The following DOCK4 variants were observed in gnomAD, a reference collection of about 807,000 sequenced individuals.
The protein encoded by DOCK4 is dedicator of cytokinesis protein 4.
Under a neutral mutation model 268.1 loss-of-function variants are expected in DOCK4, and 97 were observed. The ratio of observed to expected loss-of-function variants is 0.36; its 90% CI spans 0.31 to 0.43. The LOEUF is 0.43. DOCK4 is among the 20% of genes least tolerant of loss of function. The probability of loss-of-function intolerance (pLI) is 1.00; values close to 1 mark genes in which losing one functional copy is unlikely to be tolerated. For missense variants in DOCK4, 2,145 were observed against 2,455.7 expected (o/e 0.87, Z 2.67); for synonymous variants, 954 against 887.2 (o/e 1.08, Z -1.34).
intron 1 of DOCK4, among the ~76,000 whole-genome samples, chr7:112,139,364 A>G (rs1001778716): frequency 3.3e-5 from 5 of 152,218 alleles, no homozygotes; most frequent in African/African-American, 1.2e-4. Context: ...TATTTAATAC[A>G]AGGAAAAATG....
intron 23 of DOCK4, among the ~76,000 whole-genome samples, chr7:111,856,131 G>GAA (rs1804991242): frequency 1.3e-5 from 2 of 152,272 alleles, no homozygotes; most frequent in Non-Finnish European, 2.9e-5. Context: ...CCATCCCTCT[G>GAA]AAAATCTGTG....
At chr7:111,851,166 C>T (rs781433860) in intron 23 of DOCK4, among the ~76,000 whole-genome samples, 13 of 151,996 alleles carry the variant, frequency 8.6e-5, no homozygotes, top group Non-Finnish European at 1.3e-4. Flanking sequence ...CTGAAAAAGC[C>T]GGGTGCGGTG....
chr7:112,094,874 C>T (rs957738584), intron 1 of DOCK4, among the ~76,000 whole-genome samples: 4 of 152,122 alleles, frequency 2.6e-5, no homozygotes, highest in Non-Finnish European at 5.9e-5. Context: ...TTTCACCATG[C>T]GATGTGCTTG....
At chr7:111,755,836 C>T (rs1440191891) in intron 41 of DOCK4, among the ~76,000 whole-genome samples, 7 of 152,232 alleles carry the variant, frequency 4.6e-5, no homozygotes, top group Non-Finnish European at 8.8e-5. Context: ...GCTCCTACTT[C>T]AAACAGCAAG....
chr7:112,169,099 G>A (rs1161181468), intron 1 of DOCK4, among the ~76,000 whole-genome samples: 4 of 152,156 alleles, frequency 2.6e-5, no homozygotes, highest in Non-Finnish European at 4.4e-5. Flanking sequence ...CTGTTCTCAC[G>A]ATAGTGAGCT....
intron 1 of DOCK4, among the ~76,000 whole-genome samples, chr7:112,126,403 C>T (rs6973560): frequency 1.3e-5 from 2 of 151,926 alleles, no homozygotes; most frequent in Non-Finnish European, 2.9e-5. Flanking sequence ...GAGTTAAACA[C>T]CATCTCCCTG....
At chr7:111,883,571 CT>C (rs536536029) in intron 16 of DOCK4, among the ~76,000 whole-genome samples, 89 of 152,278 alleles carry the variant, frequency 5.8e-4, no homozygotes, top group Non-Finnish European at 1.1e-3. Flanking sequence ...TCTGCAGCCT[CT>C]TGGAATTCCT....
chr7:111,925,346 G>A (rs1023212789), intron 12 of DOCK4, among the ~76,000 whole-genome samples: 1 of 152,168 alleles, frequency 6.6e-6, no homozygotes, highest in African/African-American at 2.4e-5. Flanking sequence ...TGATTAAAAT[G>A]AGGTATTTAC....
At chr7:112,184,023 C>T (rs1424083612) in intron 1 of DOCK4, among the ~76,000 whole-genome samples, 1 of 152,188 alleles carries the variant, frequency 6.6e-6, no homozygotes, top group East Asian at 1.9e-4. Flanking sequence ...TATCACACCA[C>T]CTTGCCTCTC....
At chr7:111,816,047 T>C (rs538812313) in intron 27 of DOCK4, among the ~76,000 whole-genome samples, 18 of 152,268 alleles carry the variant, frequency 1.2e-4, no homozygotes, top group African/African-American at 4.1e-4. Flanking sequence ...GAAAAACTGG[T>C]GTACATGAAA....
intron 30 of DOCK4, among the ~76,000 whole-genome samples, chr7:111,794,635 G>A (rs1228581875): frequency 6.6e-6 from 1 of 152,178 alleles, no homozygotes; most frequent in Admixed American, 6.5e-5. Flanking sequence ...TTACTTGTAA[G>A]CATTCCCTAT....
Position 111,741,112 on chromosome 7 carries a change from A to T in DOCK4, c.5022T>A (p.Asp1674Glu). 1 of 1,613,966 alleles carries T rather than the reference A, an allele frequency of 6.2e-7. No homozygotes were observed. The highest frequency in any genetic ancestry group is 8.5e-7 in the Non-Finnish European group (1 of 1,179,880). The stretch of plus-strand genomic sequence containing the variant: ...TAAGTACCTGCATGTTAAAGACTTC[A>T]TCAGAGCTTTCTGATTGCCCTGTAA... ...SNITGQSESS[D>E]EVFNMQPSPS... The change falls in exon 47 of 53, where the codon GAT becomes GAA. Residue 1674 changes from aspartate (D) to glutamate (E), a missense_variant. Asp to Glu is a conservative substitution (Grantham distance 45). This residue lies in a region of DOCK4 where 547 missense variants were observed against 469.0 expected (regional missense o/e 1.17). Transcript: ENST00000428084.
rs1798255327 is a variant in DOCK4, at chr7:111,977,028, A to T, written c.701+104T>A. Reference sequence around the variant, plus strand: ...TCTACTGGTGAGAAAATTGAAGCTGACGGAGTAAAAAATATACAAGATATA... The same window carrying T: ...TCTACTGGTGAGAAAATTGAAGCTGTCGGAGTAAAAAATATACAAGATATA... On this transcript the variant is annotated intron_variant, in intron 8 of 52. Coordinates refer to ENST00000428084, the MANE Select transcript of DOCK4 (RefSeq NM_001363540.2). 2.3e-6 allele frequency: 3 copies of T among 1,325,774 alleles called. No homozygotes were observed. In the African/African-American group the frequency reaches 4.4e-5, roughly 20 times the overall value. 82.1% of individuals were successfully genotyped at this position (1,325,774 alleles called of 1,614,324 possible).
intron 7 of DOCK4, among the ~76,000 whole-genome samples, chr7:111,981,863 C>G (rs1798635034): frequency 6.6e-6 from 1 of 152,142 alleles, no homozygotes; most frequent in Admixed American, 6.6e-5. Flanking sequence ...GGCAGCCACC[C>G]ACCAATAAAC....
chr7:111,993,918 T>C (rs1799725195), intron 5 of DOCK4, among the ~76,000 whole-genome samples: 1 of 152,176 alleles, frequency 6.6e-6, no homozygotes, highest in Non-Finnish European at 1.5e-5. Context: ...GCCAGAAAAA[T>C]AATCTTTTAT....
chr7:111,901,660 A>T lies in DOCK4; in HGVS notation c.1317+17T>A. ...ATACAGACTTGTTTGACCTGGAAAT[A>T]TCAAGTATTAACATACCTTCAGGGT... On this transcript the variant is annotated intron_variant, in intron 14 of 52. Transcript: ENST00000428084. 6.2e-7 allele frequency: 1 copy of T among 1,611,922 alleles called. No homozygotes were observed. Among genetic ancestry groups the T allele is most frequent in the Non-Finnish European group, 8.5e-7 (1 of 1,179,108 alleles).
At chr7:112,032,965 C>T (rs1803411420) in intron 1 of DOCK4, among the ~76,000 whole-genome samples, 1 of 152,098 alleles carries the variant, frequency 6.6e-6, no homozygotes, top group African/African-American at 2.4e-5. Flanking sequence ...ATTAATTTAG[C>T]TAACAAATGT....
At chr7:112,002,131 TAC>T (rs1406984497) in intron 2 of DOCK4, among the ~76,000 whole-genome samples, 1 of 152,194 alleles carries the variant, frequency 6.6e-6, no homozygotes, top group Non-Finnish European at 1.5e-5. Context: ...CTCCTCATAA[TAC>T]ATTTTCTTAA....
intron 30 of DOCK4, among the ~76,000 whole-genome samples, chr7:111,802,804 T>A (rs1487474982): frequency 2.0e-5 from 3 of 152,160 alleles, no homozygotes; most frequent in Non-Finnish European, 4.4e-5. Flanking sequence ...AATCCATACA[T>A]CCATCATCTA....
Sources: gnomAD v4.1 joint callset for allele counts (sites outside exome capture counted in the v4.1 genomes callset) on GRCh38, gnomAD v4.1.1 for gene constraint, gnomAD v4.1.1 regional missense constraint, MANE v1.5 for transcripts, NCBI Gene and HGNC (gene_info 2026-07-23, HGNC 2026-07-21) for gene names.